Variants in RUSC2 observed in about 807,000 individuals in gnomAD.
The protein encoded by RUSC2 is AP-4 complex accessory subunit RUSC2.
In RUSC2, 34 loss-of-function variants were observed where a neutral mutation model predicts 122.2. The observed-to-expected ratio is 0.28, with a 90% CI of 0.21 to 0.37. RUSC2 has a LOEUF of 0.37. Ranked by LOEUF, RUSC2 falls within the 10% of genes least tolerant of loss-of-function variation. The probability of loss-of-function intolerance (pLI) is 1.00; values close to 1 mark genes in which losing one functional copy is unlikely to be tolerated. For synonymous variants in RUSC2, 784 were observed against 790.0 expected, an observed-to-expected ratio of 0.99 and a Z score of 0.13; for missense variants, 1,747 against 1,952.4, an observed-to-expected ratio of 0.89 and a Z score of 1.98.
intron 1 of RUSC2, among the ~76,000 whole-genome samples, chr9:35,532,487 A>G (rs970554545): frequency 6.6e-6 from 1 of 152,188 alleles, no homozygotes; most frequent in South Asian, 2.1e-4. Flanking sequence ...GCACATGCCT[A>G]TAATCTCAGC....
chr9:35,507,232 C>A (rs2132501330), intron 1 of RUSC2, among the ~76,000 whole-genome samples: 1 of 152,312 alleles, frequency 6.6e-6, no homozygotes, highest in Admixed American at 6.5e-5. Context: ...GTAATTGTAG[C>A]ATTAAGATTA....
At chr9:35,522,012 C>A (rs913184150) in intron 1 of RUSC2, among the ~76,000 whole-genome samples, 6 of 152,174 alleles carry the variant, frequency 3.9e-5, no homozygotes, top group African/African-American at 1.4e-4. Context: ...TCCTAGACAC[C>A]CACAGGAATC....
rs189080957 is a variant in RUSC2, at chr9:35,549,318, G to A, written c.2014+783G>A. 15 of 771,710 alleles carry A rather than the reference G, an allele frequency of 1.9e-5. No individual in the cohort carries two copies. The South Asian group carries it at 3.5e-4, about 18-fold the overall frequency. 47.8% of individuals were successfully genotyped at this position (771,710 alleles called of 1,614,324 possible). ...GTTTTTTTTTTTTTCTTTTTGAGAC[G>A]GAGTCTTGCTCTTTCGCCCAGGCTG... On this transcript the variant is annotated intron_variant, in intron 2 of 11. Coordinates refer to ENST00000361226, the MANE Select transcript of RUSC2 (RefSeq NM_014806.5).
chr9:35,531,764 G>A (rs1359398410), intron 1 of RUSC2, among the ~76,000 whole-genome samples: 4 of 152,180 alleles, frequency 2.6e-5, no homozygotes, highest in East Asian at 1.9e-4. Context: ...GGTGGTTCAC[G>A]CCTGTAATCC....
At chr9:35,497,901 A>T (rs1056903348) in intron 1 of RUSC2, among the ~76,000 whole-genome samples, 4 of 152,156 alleles carry the variant, frequency 2.6e-5, no homozygotes, top group Admixed American at 6.5e-5. Flanking sequence ...TGTTTCTCCT[A>T]TCTTTTGTTG....
Position 35,561,363 on chromosome 9 carries a change from C to T in RUSC2, c.4532C>T (p.Pro1511Leu). The change falls in exon 12 of 12, where the codon CCT (proline) becomes CTT (leucine). Residue 1511 changes from proline (P) to leucine (L), a missense_variant. Pro to Leu is a moderately conservative substitution (Grantham distance 98, BLOSUM62 -3). Coordinates refer to ENST00000361226, the MANE Select transcript of RUSC2 (RefSeq NM_014806.5). ...TTGACCCCAACTCCAAGTCCAACCC[C>T]TGGAAGCAGCCAAAACTGAGGCCCT... ...VTLTPTPSPT[P>L]GSSQN is the part of the protein sequence containing the mutation. 1 of 1,612,720 alleles carries T rather than the reference C, an allele frequency of 6.2e-7. No individual in the cohort carries two copies. Among genetic ancestry groups the T allele is most frequent in the East Asian group, 2.2e-5 (1 of 44,876 alleles).
intron 1 of RUSC2, among the ~76,000 whole-genome samples, chr9:35,540,863 T>C (rs1411391511): frequency 6.6e-6 from 1 of 152,192 alleles, no homozygotes; most frequent in African/African-American, 2.4e-5. Flanking sequence ...AGACCTGGGA[T>C]TGAATCCCAT....
Position 35,559,150 on chromosome 9 carries a change from C to T in RUSC2, c.3342-76C>T, listed in dbSNP as rs1822087112. The T allele has an allele frequency of 2.5e-6, 3 of 1,193,282 alleles. No individual in the cohort carries two copies. The Admixed American group carries it at 5.0e-5, about 20-fold the overall frequency. 73.9% of individuals were successfully genotyped at this position (1,193,282 alleles called of 1,614,324 possible). On this transcript the variant is annotated intron_variant, in intron 8 of 11. Transcript: ENST00000361226. The stretch of plus-strand genomic sequence containing the variant: ...GGCGTGTTCACCTATTCTTCCTGTG[C>T]CTGACCCCCTGGATCTGTCTCCTTA...
At chr9:35,556,503 C>T in intron 5 of RUSC2, 55 bp downstream of exon 5, 2 of 1,127,030 alleles carry the variant, frequency 1.8e-6, no homozygotes, top group South Asian at 1.4e-5. Context: ...CCTCCTCACA[C>T]TTGCCCTACT....
At chr9:35,543,554 A>G (rs181717205) in intron 1 of RUSC2, among the ~76,000 whole-genome samples, 1 of 152,376 alleles carries the variant, frequency 6.6e-6, no homozygotes, top group African/African-American at 2.4e-5. Flanking sequence ...AGGCACTGGT[A>G]ACAGTTTGTT....
In RUSC2 at chr9:35,546,740, T is replaced by C; in HGVS notation, c.219T>C (p.Thr73=). Residue 73 remains threonine, a synonymous_variant, in exon 2 of 12, where the codon ACT becomes ACC. Coordinates refer to ENST00000361226, the MANE Select transcript of RUSC2 (RefSeq NM_014806.5). The surrounding 1 kb of genome is among the most constrained non-coding windows in gnomAD (Gnocchi z 4.3). ...DSLLFSSLHS[T]PGGTARSIDS... Reference sequence around the variant, plus strand: ...TGCTATTCAGCAGCCTGCACTCTACTCCAGGAGGAACTGCACGGTCTATAG... The same window carrying C: ...TGCTATTCAGCAGCCTGCACTCTACCCCAGGAGGAACTGCACGGTCTATAG... 6.3e-7 allele frequency: 1 copy of C among 1,577,094 alleles called. No individual in the cohort carries two copies. The highest frequency in any genetic ancestry group is 8.6e-7 in the Non-Finnish European group (1 of 1,162,334).
intron 1 of RUSC2, among the ~76,000 whole-genome samples, chr9:35,536,570 T>C (rs1821531100): frequency 6.6e-6 from 1 of 152,044 alleles, no homozygotes; most frequent in Non-Finnish European, 1.5e-5. Flanking sequence ...CCCAGCACTT[T>C]GGGAGGCTGA....
At chr9:35,533,258 A>AAG (rs369983913) in intron 1 of RUSC2, among the ~76,000 whole-genome samples, 37,361 of 150,822 alleles carry the variant, frequency 0.25, 5,816 homozygotes, top group Non-Finnish European at 0.34. Flanking sequence ...AAAAAAAAAA[A>AAG]AAGAAGAATT....
At chr9:35,542,981 C>G (rs1166619452) in intron 1 of RUSC2, among the ~76,000 whole-genome samples, 1 of 152,180 alleles carries the variant, frequency 6.6e-6, no homozygotes, top group Non-Finnish European at 1.5e-5. Context: ...CATTGAAGGT[C>G]AGTGATGGCT....
At chr9:35,498,263 G>A (rs1820757923) in intron 1 of RUSC2, among the ~76,000 whole-genome samples, 1 of 152,046 alleles carries the variant, frequency 6.6e-6, no homozygotes, top group African/African-American at 2.4e-5. Flanking sequence ...AGAATGCCAG[G>A]TTTGGTGGCT....
At position 35,546,880 on chromosome 9, in the gene RUSC2, A is replaced by T. The variant is rs774273097; in HGVS notation, c.359A>T (p.Asp120Val). The T allele has an allele frequency of 6.3e-7, 1 of 1,597,180 alleles. No homozygotes were observed. Among genetic ancestry groups the T allele is most frequent in the Admixed American group, 1.7e-5 (1 of 58,408 alleles). Residue 120 changes from aspartate to valine, a missense_variant, in exon 2 of 12, where the codon GAC becomes GTC. Asp to Val is a radical substitution (Grantham distance 152). Transcript: ENST00000361226. This position sits in a 1 kb window ranked among gnomAD's most constrained non-coding sequence, Gnocchi z 4.3. ...CCAGGACTTGGTGACCTGTATGATG[A>T]CAGCATTGGTGACAGTGCCACCCAG... ...GEPGLGDLYD[D>V]SIGDSATQQS...
intron 1 of RUSC2, among the ~76,000 whole-genome samples, chr9:35,513,190 T>TTTTTTGTTG (rs376849719): frequency 1.3e-5 from 2 of 149,772 alleles, no homozygotes; most frequent in Admixed American, 1.3e-4. Flanking sequence ...TATACTTTGT[T>TTTTTTGTTG]TTGTTGTTGT....
At chr9:35,542,208 T>C (rs1821655433) in intron 1 of RUSC2, among the ~76,000 whole-genome samples, 2 of 152,288 alleles carry the variant, frequency 1.3e-5, no homozygotes, top group South Asian at 4.1e-4. Context: ...AATAAGATCT[T>C]CTCTGAGATA....
chr9:35,511,203 T>G (rs1821005165), intron 1 of RUSC2, among the ~76,000 whole-genome samples: 1 of 152,182 alleles, frequency 6.6e-6, no homozygotes, highest in Admixed American at 6.5e-5. Flanking sequence ...TATCCTGCAT[T>G]CTTTCCTAGC....
Sources: allele counts gnomAD v4.1 joint callset (sites outside exome capture counted in the v4.1 genomes callset), GRCh38; gene constraint gnomAD v4.1.1; non-coding constraint Gnocchi (gnomAD v3.1); transcripts MANE v1.5; gene names NCBI Gene and HGNC (gene_info 2026-07-23, HGNC 2026-07-21).